The following GPC3 variants were observed in gnomAD, a reference collection of about 807,000 sequenced individuals.
GPC3 encodes glypican-3.
GPC3 carries 3 observed loss-of-function variants against 34.4 expected under a neutral mutation model. The observed-to-expected ratio is 0.09, with a 90% CI of 0.04 to 0.23. GPC3 has a LOEUF of 0.23. Ranked by LOEUF, GPC3 falls within the 10% of genes least tolerant of loss-of-function variation. GPC3 has a pLI of 1.00. For synonymous variants in GPC3, 177 were observed against 174.0 expected (o/e 1.02, Z -0.13); for missense variants, 351 against 445.6 (o/e 0.79, Z 1.91).
chrX:133,758,423 G>T (rs1421308942), intron 2 of GPC3, among the ~76,000 whole-genome samples: 1 of 111,546 alleles, frequency 9.0e-6, no homozygotes, highest in Non-Finnish European at 1.9e-5. Flanking sequence ...GCTGGAAGCT[G>T]TTATCCTCAG....
At chrX:133,624,110 T>C (rs1233994610) in intron 6 of GPC3, among the ~76,000 whole-genome samples, 2 of 109,835 alleles carry the variant, frequency 1.8e-5, no homozygotes, top group African/African-American at 3.3e-5. Context: ...TTGAAACCAA[T>C]GAGAACAAAG....
chrX:133,815,537 T>A (rs1016679049), intron 2 of GPC3, among the ~76,000 whole-genome samples: 1 of 110,860 alleles, frequency 9.0e-6, no homozygotes, highest in Non-Finnish European at 1.9e-5. Context: ...TTGCTTCACA[T>A]GTGGCCAACC....
chrX:133,927,271 T>C (rs914028176), intron 2 of GPC3, among the ~76,000 whole-genome samples: 3 of 110,633 alleles, frequency 2.7e-5, no homozygotes, highest in Non-Finnish European at 5.7e-5. Context: ...GCCAGAGATG[T>C]ATAAAGTGAA....
chrX:133,824,967 T>G (rs1193009042), intron 2 of GPC3, among the ~76,000 whole-genome samples: 1 of 111,994 alleles, frequency 8.9e-6, no homozygotes, highest in African/African-American at 3.2e-5. Context: ...GCAATTCTCC[T>G]GCGTCAGCCT....
chrX:133,974,794 G>A (rs1291850319), intron 1 of GPC3, among the ~76,000 whole-genome samples: 1 of 110,811 alleles, frequency 9.0e-6, no homozygotes, highest in Non-Finnish European at 1.9e-5. Context: ...TCTATATGCT[G>A]ATAATTTCCA....
intron 3 of GPC3, among the ~76,000 whole-genome samples, chrX:133,744,405 G>A (rs2071592623): frequency 8.9e-6 from 1 of 112,812 alleles, no homozygotes; most frequent in Non-Finnish European, 1.9e-5. Flanking sequence ...ACAAACATAT[G>A]AGAAAAAGCT....
chrX:133,862,912 G>T (rs756243455), intron 2 of GPC3, among the ~76,000 whole-genome samples: 12 of 112,334 alleles, frequency 1.1e-4, no homozygotes, highest in African/African-American at 3.9e-4. Flanking sequence ...CAAACATCAC[G>T]TAGGGTAGTT....
intron 5 of GPC3, among the ~76,000 whole-genome samples, chrX:133,683,948 C>T (rs773860859): frequency 8.9e-6 from 1 of 112,184 alleles, no homozygotes; most frequent in Non-Finnish European, 1.9e-5. Flanking sequence ...ACTCTCCAAA[C>T]TGATCTGTTC....
At chrX:133,551,132 C>G (rs1472820298) in intron 7 of GPC3, among the ~76,000 whole-genome samples, 3 of 105,713 alleles carry the variant, frequency 2.8e-5, no homozygotes, top group East Asian at 6.1e-4. Flanking sequence ...TGCCCCCCCC[C>G]ACCCCACCCT....
At chrX:133,918,637 G>A (rs752726439) in intron 2 of GPC3, among the ~76,000 whole-genome samples, 12 of 111,578 alleles carry the variant, frequency 1.1e-4, no homozygotes, top group African/African-American at 2.9e-4. Context: ...TGATCCTTTC[G>A]TGCCAGGAGA....
chrX:133,982,618 C>T (rs556123819), intron 1 of GPC3, among the ~76,000 whole-genome samples: 25 of 112,229 alleles, frequency 2.2e-4, no homozygotes, highest in African/African-American at 7.8e-4. Flanking sequence ...CCCAATTCTG[C>T]TAATGGCTGA....
At chrX:133,576,990 C>G (rs2069689362) in intron 7 of GPC3, among the ~76,000 whole-genome samples, 1 of 111,381 alleles carries the variant, frequency 9.0e-6, no homozygotes, top group South Asian at 3.8e-4. Flanking sequence ...GGATAATTAG[C>G]AAATCCATGG....
At chrX:133,684,207 A>G (rs1243855624) in intron 5 of GPC3, among the ~76,000 whole-genome samples, 2 of 112,163 alleles carry the variant, frequency 1.8e-5, no homozygotes, top group African/African-American at 6.5e-5. Context: ...ATGAAGTGTC[A>G]TGTTTCTGCT....
chrX:133,860,180 G>A (rs976762565), intron 2 of GPC3, among the ~76,000 whole-genome samples: 3 of 111,427 alleles, frequency 2.7e-5, no homozygotes, highest in Non-Finnish European at 3.8e-5. Context: ...CCGCTGCATC[G>A]TAGGATATGT....
intron 4 of GPC3, among the ~76,000 whole-genome samples, chrX:133,696,969 C>T (rs1275347269): frequency 8.9e-6 from 1 of 112,212 alleles, no homozygotes; most frequent in Non-Finnish European, 1.9e-5. Flanking sequence ...CACGCATGAG[C>T]CATTTTCAAA....
chrX:133,780,428 T>C (rs1430777281), intron 2 of GPC3, among the ~76,000 whole-genome samples: 1 of 111,462 alleles, frequency 9.0e-6, no homozygotes, highest in Non-Finnish European at 1.9e-5. Flanking sequence ...CTAGAGGGCC[T>C]AGCCATTCCT....
intron 7 of GPC3, among the ~76,000 whole-genome samples, chrX:133,555,845 A>T (rs1411541596): frequency 1.8e-5 from 2 of 110,827 alleles, no homozygotes; most frequent in South Asian, 7.7e-4. Context: ...AAAATAAAAA[A>T]AAAAAGCCAC....
intron 2 of GPC3, among the ~76,000 whole-genome samples, chrX:133,870,636 C>T (rs775079235): frequency 9.1e-6 from 1 of 110,117 alleles, no homozygotes; most frequent in South Asian, 3.8e-4. Context: ...AACATGATTT[C>T]CTATGATGTC....
intron 6 of GPC3, among the ~76,000 whole-genome samples, chrX:133,623,063 T>C (rs772813668): frequency 8.9e-6 from 1 of 111,833 alleles, no homozygotes; most frequent in South Asian, 3.8e-4. Flanking sequence ...CAAACTAAGC[T>C]TCATCAGTGA....
Sources: gnomAD v4.1 joint callset for allele counts (sites outside exome capture counted in the v4.1 genomes callset) on GRCh38, gnomAD v4.1.1 for gene constraint, MANE v1.5 for transcripts, NCBI Gene and HGNC (gene_info 2026-07-23, HGNC 2026-07-21) for gene names.